The following ZFPM2 variants were observed in gnomAD, a reference collection of about 807,000 sequenced individuals.
The protein encoded by ZFPM2 is zinc finger protein ZFPM2.
In ZFPM2, 20 loss-of-function variants were observed where a neutral mutation model predicts 98.6. The observed-to-expected ratio is 0.20, with a 90% CI of 0.14 to 0.29. ZFPM2 has a LOEUF of 0.29. Among genes scored for constraint, ZFPM2 ranks in the 10% least tolerant of loss-of-function variants. The probability of loss-of-function intolerance (pLI) is 1.00; values close to 1 mark genes in which losing one functional copy is unlikely to be tolerated. For synonymous variants in ZFPM2, 518 were observed against 502.7 expected (o/e 1.03, Z -0.41); for missense variants, 1,310 against 1,388.6 (o/e 0.94, Z 0.90).
intron 3 of ZFPM2, among the ~76,000 whole-genome samples, chr8:105,476,485 A>G (rs1813014678): frequency 6.6e-6 from 1 of 152,176 alleles, no homozygotes. Flanking sequence ...GTCCATGGAA[A>G]AACATGCACG....
chr8:105,510,402 T>C (rs1299555747), intron 3 of ZFPM2, among the ~76,000 whole-genome samples: 1 of 77,520 alleles, frequency 1.3e-5, no homozygotes. Flanking sequence ...GTGCATGTTT[T>C]TTTTTTTTTT....
At chr8:105,711,671 G>A (rs1445607662) in intron 5 of ZFPM2, among the ~76,000 whole-genome samples, 1 of 151,968 alleles carries the variant, frequency 6.6e-6, no homozygotes, top group Non-Finnish European at 1.5e-5. Context: ...TTTACCCCCA[G>A]AAGTGTGTCT....
intron 5 of ZFPM2, among the ~76,000 whole-genome samples, chr8:105,693,994 T>TC (rs1439593999): frequency 1.2e-5 from 1 of 81,022 alleles, no homozygotes; most frequent in African/African-American, 3.7e-5. Context: ...TTTTTTTTTT[T>TC]TTTTTTTTGA....
At chr8:105,515,557 C>T (rs1204865925) in intron 3 of ZFPM2, among the ~76,000 whole-genome samples, 33 of 152,022 alleles carry the variant, frequency 2.2e-4, no homozygotes, top group Admixed American at 2.2e-3. Context: ...TAGTGTCTAC[C>T]CTGCATTCTT....
rs1554610604 is a variant in ZFPM2 at position 105,489,466 on chromosome 8, A to ATATATATATATATATATATATAT, written c.301+45086_301+45087insATATATATATATATATATATATT. The stretch of plus-strand genomic sequence containing the variant: ...TATGTTTTTATATATATATATATAT[A>ATATATATATATATATATATATAT]TTTTTTTTTTTTTTTGAGATGGAAT... On this transcript the variant is annotated intron_variant, in intron 3 of 7. Coordinates refer to ENST00000407775, the MANE Select transcript of ZFPM2 (RefSeq NM_012082.4). Among the ~76,000 whole-genome samples the ATATATATATATATATATATATAT allele has an allele frequency of 3.0e-4, 36 of 119,760 alleles. 1 individual carries two copies. Among genetic ancestry groups the ATATATATATATATATATATATAT allele is most frequent in the African/African-American group, 1.3e-3 (35 of 27,610 alleles). The allele number at this position is 119,760 out of a possible 152,430, so 78.6% of individuals were successfully genotyped here.
intron 4 of ZFPM2, among the ~76,000 whole-genome samples, chr8:105,587,680 C>T (rs1386394899): frequency 6.6e-6 from 1 of 151,972 alleles, no homozygotes; most frequent in Admixed American, 6.6e-5. Flanking sequence ...GGCAGAATTC[C>T]ACAGTATTAT....
intron 4 of ZFPM2, among the ~76,000 whole-genome samples, chr8:105,564,034 A>G (rs1244422338): frequency 2.0e-5 from 3 of 152,126 alleles, no homozygotes; most frequent in Non-Finnish European, 4.4e-5. Context: ...GATGGATAGA[A>G]GATAAACCTG....
At chr8:105,700,562 T>TTTTG (rs377429648) in intron 5 of ZFPM2, among the ~76,000 whole-genome samples, 87 of 151,530 alleles carry the variant, frequency 5.7e-4, no homozygotes, top group Admixed American at 2.5e-3. Flanking sequence ...CCTAGGAGTT[T>TTTTG]TTTGTTTGTT....
At chr8:105,690,328 G>C (rs931235636) in intron 5 of ZFPM2, among the ~76,000 whole-genome samples, 1 of 152,194 alleles carries the variant, frequency 6.6e-6, no homozygotes, top group African/African-American at 2.4e-5. Flanking sequence ...TTAATTCTCA[G>C]AATAAGCCAG....
chr8:105,406,073 G>C (rs1186972545), intron 1 of ZFPM2, among the ~76,000 whole-genome samples: 2 of 152,252 alleles, frequency 1.3e-5, no homozygotes, highest in East Asian at 3.9e-4. Context: ...CTGCATAAAT[G>C]TCTTCTTTTG....
At chr8:105,566,440 T>A (rs1165141270) in intron 4 of ZFPM2, among the ~76,000 whole-genome samples, 1 of 152,202 alleles carries the variant, frequency 6.6e-6, no homozygotes, top group Non-Finnish European at 1.5e-5. Context: ...GAAGAAATTT[T>A]AAAAATCACC....
intron 5 of ZFPM2, among the ~76,000 whole-genome samples, chr8:105,714,812 A>C (rs901811693): frequency 1.3e-5 from 2 of 152,072 alleles, no homozygotes; most frequent in African/African-American, 4.8e-5. Context: ...CCTTGTATAA[A>C]AGATTTTAAA....
intron 3 of ZFPM2, among the ~76,000 whole-genome samples, chr8:105,511,381 T>G (rs932762868): frequency 8.5e-5 from 13 of 152,230 alleles, no homozygotes; most frequent in Admixed American, 2.0e-4. Flanking sequence ...TTTTAGCAGG[T>G]TTCAAAACAT....
At chr8:105,475,577 C>T (rs1020475293) in intron 3 of ZFPM2, among the ~76,000 whole-genome samples, 10 of 152,092 alleles carry the variant, frequency 6.6e-5, no homozygotes, top group Admixed American at 5.2e-4. Flanking sequence ...AAGATTTAAG[C>T]GGAGGAAGCA....
At chr8:105,321,778 G>A (rs1052572975) in intron 1 of ZFPM2, among the ~76,000 whole-genome samples, 3 of 152,064 alleles carry the variant, frequency 2.0e-5, no homozygotes, top group Non-Finnish European at 4.4e-5. Context: ...GAGATAATGG[G>A]AAAGATAAGC....
intron 5 of ZFPM2, among the ~76,000 whole-genome samples, chr8:105,734,083 A>G (rs930918128): frequency 6.6e-6 from 1 of 151,874 alleles, no homozygotes; most frequent in Non-Finnish European, 1.5e-5. Flanking sequence ...CCTTTCTCTC[A>G]TATATCCTCT....
At chr8:105,544,720 A>C (rs1197414091) in intron 3 of ZFPM2, among the ~76,000 whole-genome samples, 1 of 152,228 alleles carries the variant, frequency 6.6e-6, no homozygotes, top group Non-Finnish European at 1.5e-5. Context: ...GCTGAGCAAA[A>C]TTACTTAAGA....
Position 105,495,725 on chromosome 8 carries a change from T to TGAAGAA in ZFPM2, c.301+51357_301+51362dup, listed in dbSNP as rs565167802. 4.4e-3 allele frequency among the ~76,000 whole-genome samples: 673 copies of TGAAGAA among 152,220 alleles called. 3 individuals carry two copies. The highest frequency in any genetic ancestry group is 3.8e-3 in the Non-Finnish European group (258 of 68,008). On this transcript the variant is annotated intron_variant, in intron 3 of 7. Transcript: ENST00000407775. ...CAGTTAACATTTCATCGTTTTTTTC[T>TGAAGAA]GAAGAAGAAGAAGAAGAAATGGATA...
At chr8:105,365,747 G>A (rs1810493106) in intron 1 of ZFPM2, among the ~76,000 whole-genome samples, 3 of 152,286 alleles carry the variant, frequency 2.0e-5, no homozygotes, top group South Asian at 4.1e-4. Context: ...AAGACAGACT[G>A]ACGTGCTCAG....
Sources: allele counts gnomAD v4.1 joint callset (sites outside exome capture counted in the v4.1 genomes callset), GRCh38; gene constraint gnomAD v4.1.1; transcripts MANE v1.5; gene names NCBI Gene and HGNC (gene_info 2026-07-23, HGNC 2026-07-21).